The following VTI1A variants were observed in gnomAD, a reference collection of about 807,000 sequenced individuals.
VTI1A encodes vesicle transport through interaction with t-SNAREs homolog 1A.
In VTI1A, 22 loss-of-function variants were observed where a neutral mutation model predicts 34.9. That is an observed-to-expected ratio of 0.63 (90% CI 0.45 to 0.90). The LOEUF is 0.90. Among genes scored for constraint, VTI1A ranks in the 40% least tolerant of loss-of-function variants. VTI1A has a pLI of 0.00. For missense variants in VTI1A, 268 were observed against 275.6 expected, an observed-to-expected ratio of 0.97 and a Z score of 0.20; for synonymous variants, 87 against 97.3, an observed-to-expected ratio of 0.89 and a Z score of 0.62.
chr10:112,804,216 G>A (rs887653962), intron 7 of VTI1A, among the ~76,000 whole-genome samples: 1 of 152,282 alleles, frequency 6.6e-6, no homozygotes, highest in African/African-American at 2.4e-5. Context: ...TTATGGGAGA[G>A]AAGGCTCGGC....
At chr10:112,508,787 C>T (rs1356854840) in intron 3 of VTI1A, among the ~76,000 whole-genome samples, 1 of 152,068 alleles carries the variant, frequency 6.6e-6, no homozygotes, top group African/African-American at 2.4e-5. Context: ...CTTCAGAGTT[C>T]GGGATAAAAT....
At chr10:112,819,841 C>A (rs1037990123), downstream of VTI1A, among the ~76,000 whole-genome samples, 1 of 152,190 alleles carries the variant, frequency 6.6e-6, no homozygotes, top group Admixed American at 6.5e-5. Flanking sequence ...ATGGAAGCCA[C>A]CCTCAGAGGC....
intron 5 of VTI1A, chr10:112,634,082 A>G (rs1404476161): frequency 6.6e-6 from 1 of 152,592 alleles, no homozygotes; most frequent in Non-Finnish European, 1.5e-5. Context: ...GTTTTGTTGC[A>G]TCTTTACTTT....
intron 5 of VTI1A, among the ~76,000 whole-genome samples, chr10:112,570,217 A>G (rs1852065983): frequency 6.6e-6 from 1 of 152,206 alleles, no homozygotes; most frequent in Non-Finnish European, 1.5e-5. Context: ...TGGGAATCCA[A>G]CAAACTCTAA....
intron 7 of VTI1A, among the ~76,000 whole-genome samples, chr10:112,742,661 T>C (rs1442021226): frequency 6.6e-6 from 1 of 152,190 alleles, no homozygotes; most frequent in Non-Finnish European, 1.5e-5. Flanking sequence ...ATGCAGCCTT[T>C]GGTTGGTATT....
chr10:112,534,388 A>G (rs1182122799), intron 4 of VTI1A, among the ~76,000 whole-genome samples: 2 of 152,182 alleles, frequency 1.3e-5, no homozygotes, highest in Admixed American at 1.3e-4. Context: ...CTATTAAGAC[A>G]TAATGGCCTA....
At chr10:112,713,150 A>G (rs983381772) in intron 7 of VTI1A, among the ~76,000 whole-genome samples, 2 of 152,118 alleles carry the variant, frequency 1.3e-5, no homozygotes, top group Non-Finnish European at 2.9e-5. Context: ...CATGGTCCAT[A>G]TGAAAGACCC....
At chr10:112,606,390 G>A (rs936231471) in intron 5 of VTI1A, among the ~76,000 whole-genome samples, 15 of 152,050 alleles carry the variant, frequency 9.9e-5, no homozygotes, top group Non-Finnish European at 1.9e-4. Flanking sequence ...CTCACCACCC[G>A]TGGTGTGCTG....
At chr10:112,591,645 T>A (rs1844396338) in intron 5 of VTI1A, among the ~76,000 whole-genome samples, 1 of 152,240 alleles carries the variant, frequency 6.6e-6, no homozygotes, top group Non-Finnish European at 1.5e-5. Flanking sequence ...CAAGGTAAAA[T>A]CTGGACATCT....
At chr10:112,575,763 CT>C (rs1005595244) in intron 5 of VTI1A, among the ~76,000 whole-genome samples, 1 of 152,102 alleles carries the variant, frequency 6.6e-6, no homozygotes, top group Non-Finnish European at 1.5e-5. Flanking sequence ...ATTTCATTGT[CT>C]TTTTAATTTT....
intron 3 of VTI1A, among the ~76,000 whole-genome samples, chr10:112,478,898 G>A (rs897714359): frequency 6.6e-6 from 1 of 152,142 alleles, no homozygotes. Context: ...GCCGGGCGCG[G>A]TGGTTCACGC....
intron 7 of VTI1A, among the ~76,000 whole-genome samples, chr10:112,688,695 GT>G (rs1848515618): frequency 6.6e-6 from 1 of 150,738 alleles, no homozygotes; most frequent in Non-Finnish European, 1.5e-5. Context: ...CTTATTTTTT[GT>G]TTGTTTGTTT....
intron 3 of VTI1A, among the ~76,000 whole-genome samples, chr10:112,478,612 A>T (rs10885352): frequency 0.65 from 98,833 of 152,114 alleles, 33,008 homozygotes; most frequent in Non-Finnish European, 0.71. Context: ...TGAATTGGAT[A>T]GCTTTTGTAT....
chr10:112,736,501 C>T lies in VTI1A; in HGVS notation c.560+67503C>T, dbSNP rs147021070. Among the ~76,000 whole-genome samples, 79 of 152,054 alleles carry T rather than the reference C, an allele frequency of 5.2e-4. 3 individuals are homozygous for T. In the East Asian group the frequency reaches 0.015, roughly 28 times the overall value. ...GGGTGGGTGGATGGATGGACTAAAG[C>T]GATGAATGAGGGAATCGAGTTAGGT... On this transcript the variant is annotated intron_variant, in intron 7 of 7. Transcript: ENST00000393077.
intron 5 of VTI1A, among the ~76,000 whole-genome samples, chr10:112,556,848 G>C (rs1416429688): frequency 6.6e-6 from 1 of 151,958 alleles, no homozygotes; most frequent in Non-Finnish European, 1.5e-5. Context: ...TCCAAATTTT[G>C]CATGGCATCT....
intron 5 of VTI1A, among the ~76,000 whole-genome samples, chr10:112,541,589 T>A (rs942670157): frequency 1.3e-5 from 2 of 152,226 alleles, no homozygotes; most frequent in African/African-American, 4.8e-5. Flanking sequence ...AGAAAGTTAA[T>A]GTAGAAAATA....
At chr10:112,837,603 C>T in the VTI1A span, among the ~76,000 whole-genome samples, 2 of 152,198 alleles carry the variant, frequency 1.3e-5, no homozygotes, top group Admixed American at 6.5e-5. Context: ...TTCGCTGGCC[C>T]TCTGGGCCTC....
At position 112,556,611 on chromosome 10, in the gene VTI1A, CTT is replaced by C. The variant is rs569534535; in HGVS notation, c.427+18283_427+18284del. On this transcript the variant is annotated intron_variant, in intron 5 of 7. Transcript: ENST00000393077. The stretch of plus-strand genomic sequence containing the variant: ...AAGAATTTAAGTTTTCATGAGGACT[CTT>C]TAAGTATATTTCACCATTGTAAAAA... Among the ~76,000 whole-genome samples the C allele has an allele frequency of 3.9e-5, 6 of 152,050 alleles. No homozygotes were observed. The East Asian group carries it at 1.2e-3, about 29-fold the overall frequency.
At chr10:112,652,434 G>C (rs995274337) in intron 5 of VTI1A, among the ~76,000 whole-genome samples, 1 of 152,158 alleles carries the variant, frequency 6.6e-6, no homozygotes, top group Non-Finnish European at 1.5e-5. Flanking sequence ...AGAACAAAGA[G>C]TTAGAGCCAG....
Sources: gnomAD v4.1 joint callset for allele counts (sites outside exome capture counted in the v4.1 genomes callset) on GRCh38, gnomAD v4.1.1 for gene constraint, MANE v1.5 for transcripts, NCBI Gene and HGNC (gene_info 2026-07-23, HGNC 2026-07-21) for gene names.